Variants in BAZ2A observed in about 807,000 individuals in gnomAD.
The protein encoded by BAZ2A is bromodomain adjacent to zinc finger domain 2A.
A neutral mutation model predicts 199.9 loss-of-function variants in BAZ2A; 34 were observed. The ratio of observed to expected loss-of-function variants is 0.17; its 90% CI spans 0.13 to 0.23. The LOEUF (loss-of-function observed/expected upper bound fraction) is 0.23, where lower values mean the gene tolerates loss of function less well. BAZ2A is among the 10% of genes least tolerant of loss of function. The probability of loss-of-function intolerance (pLI) is 1.00; values close to 1 mark genes in which losing one functional copy is unlikely to be tolerated. For synonymous variants in BAZ2A, 857 were observed against 883.9 expected (o/e 0.97, Z 0.54); for missense variants, 2,002 against 2,391.1 (o/e 0.84, Z 3.39).
chr12:56,607,682 ATATT>A (rs1265129541), intron 10 of BAZ2A, among the ~76,000 whole-genome samples: 1 of 152,108 alleles, frequency 6.6e-6, no homozygotes, highest in Non-Finnish European at 1.5e-5. Flanking sequence ...TGACATGACA[ATATT>A]TATTATTTTG....
rs771916721 is a variant in BAZ2A, at chr12:56,604,779, C to T, written c.2769G>A (p.Glu923=). ...TTGTCAGTGGGATCTCAGACACCTT[C>T]TCCCCCAAGATCTTTAGGGACTGTG... ...SYCQSLKILG[E]KVSEIPLTRD... is the part of the protein sequence containing the mutation. The change falls in exon 15 of 29, where the codon GAG becomes GAA. Residue 923 remains glutamate, a synonymous_variant. Coordinates refer to ENST00000549884, the MANE Select transcript of BAZ2A (RefSeq NM_001300905.2). 8 of 1,613,592 alleles carry T rather than the reference C, an allele frequency of 5.0e-6. No homozygotes were observed. In the Admixed American group the frequency reaches 5.0e-5, roughly 10 times the overall value.
At chr12:56,610,573 G>T in intron 7 of BAZ2A, 56 bp from the exon 8 acceptor site, 2 of 1,513,344 alleles carry the variant, frequency 1.3e-6, no homozygotes, top group Non-Finnish European at 1.8e-6. Context: ...CCACTCCCAT[G>T]CCACCTAAGC....
At chr12:56,636,013 C>A (rs1174679436) in intron 1 of BAZ2A, among the ~76,000 whole-genome samples, 2 of 152,202 alleles carry the variant, frequency 1.3e-5, no homozygotes, top group African/African-American at 2.4e-5. Context: ...CTCAGGATCC[C>A]GTGGTCGGCA....
chr12:56,634,017 A>G (rs1287429298), upstream of BAZ2A, among the ~76,000 whole-genome samples: 1 of 152,090 alleles, frequency 6.6e-6, no homozygotes, highest in Non-Finnish European at 1.5e-5. Context: ...ACAGGCGAGC[A>G]CACTCCACCC....
upstream of BAZ2A, chr12:56,635,027 C>A (rs1351676978): frequency 5.1e-6 from 5 of 984,428 alleles, no homozygotes; most frequent in East Asian, 3.5e-4. This position sits in a 1 kb window ranked among gnomAD's most constrained non-coding sequence, Gnocchi z 4.1. Flanking sequence ...CGCCTCCTCC[C>A]CCAGCCCTGG....
chr12:56,602,347 G>A (rs567389143), intron 19 of BAZ2A, among the ~76,000 whole-genome samples, 155 bp from the exon 20 acceptor site: 2 of 152,286 alleles, frequency 1.3e-5, no homozygotes, highest in Admixed American at 1.3e-4. Context: ...AATGAACACA[G>A]TATCTGGGGA....
chr12:56,629,794 G>A (rs1164197669), intron 1 of BAZ2A, among the ~76,000 whole-genome samples: 2 of 32,862 alleles, frequency 6.1e-5, no homozygotes, highest in African/African-American at 2.6e-4. Flanking sequence ...AGCCCCTCCC[G>A]GGGATTCCAC....
chr12:56,604,979 A>C, intron 14 of BAZ2A, 94 bp downstream of exon 14: 2 of 1,481,872 alleles, frequency 1.3e-6, no homozygotes, highest in Non-Finnish European at 1.8e-6. Context: ...AGTCAGGAAG[A>C]AAAAGAAATG....
chr12:56,606,405 A>T, intron 11 of BAZ2A, 93 bp from the exon 12 acceptor site: 1 of 1,453,584 alleles, frequency 6.9e-7, no homozygotes, highest in Non-Finnish European at 9.6e-7. Context: ...GCTGGGGAGG[A>T]GAGGTGAGAG....
chr12:56,619,204 G>A (rs1046899654), intron 1 of BAZ2A, among the ~76,000 whole-genome samples: 5 of 152,152 alleles, frequency 3.3e-5, no homozygotes, highest in African/African-American at 1.2e-4. Flanking sequence ...AATTAGCTGG[G>A]CGTGGTGGCA....
In BAZ2A at chr12:56,611,838, C is replaced by A; in HGVS notation, c.1544G>T (p.Ser515Ile). ...CACGTCAGCAGTGGTTTCTAGAAAG[C>A]TGCTGACATCCTTATTTGCTGGGGA... Reference protein sequence around the residue: ...TASPANKDVSSFLETTADVEE... With the variant: ...TASPANKDVSIFLETTADVEE... Residue 515 changes from serine to isoleucine, a missense_variant, in exon 6 of 29, where the codon AGC becomes ATC. Ser to Ile is a moderately radical substitution (Grantham distance 142, BLOSUM62 -2). Around this residue, in one of 6 missense-constraint regions of BAZ2A, gnomAD observed 641 missense variants for 694.5 expected, o/e 0.92. Coordinates refer to ENST00000549884, the MANE Select transcript of BAZ2A (RefSeq NM_001300905.2). 6.3e-7 allele frequency: 1 copy of A among 1,587,484 alleles called. No homozygotes were observed. Among genetic ancestry groups the A allele is most frequent in the Non-Finnish European group, 8.6e-7 (1 of 1,166,190 alleles).
chr12:56,603,006 G>A (rs993487595), intron 18 of BAZ2A, 149 bp from the exon 19 acceptor site: 2 of 1,065,974 alleles, frequency 1.9e-6, no homozygotes, highest in Non-Finnish European at 2.6e-6. Flanking sequence ...GATTAAGTTT[G>A]GGAGCGGTGG....
intron 18 of BAZ2A, 75 bp downstream of exon 18, chr12:56,603,284 T>G: frequency 3.4e-6 from 5 of 1,475,708 alleles, no homozygotes; most frequent in East Asian, 2.3e-5. Flanking sequence ...AAATTAAAAT[T>G]CAGTTTAAAA....
intron 10 of BAZ2A, among the ~76,000 whole-genome samples, chr12:56,608,075 G>GAA (rs756785811): frequency 2.7e-5 from 3 of 110,994 alleles, no homozygotes; most frequent in Admixed American, 9.9e-5. Context: ...ACTCCATCTG[G>GAA]AAAAAAAAAA....
chr12:56,622,486 G>A (rs1445751383), intron 1 of BAZ2A, among the ~76,000 whole-genome samples: 1 of 152,176 alleles, frequency 6.6e-6, no homozygotes, highest in Non-Finnish European at 1.5e-5. Context: ...TTATGTCACA[G>A]TATGGGAATA....
In BAZ2A at chr12:56,604,791, C is replaced by A; in HGVS notation, c.2757G>T (p.Lys919Asn). Reference sequence around the variant, plus strand: ...TCTCAGACACCTTCTCCCCCAAGATCTTTAGGGACTGTGTGGAGGACAGCA... The same window carrying A: ...TCTCAGACACCTTCTCCCCCAAGATATTTAGGGACTGTGTGGAGGACAGCA... The part of the protein sequence containing the change: ...PGFPSYCQSL[K>N]ILGEKVSEIP... Residue 919 changes from lysine (K) to asparagine (N), a missense_variant, in exon 15 of 29, where the codon AAG becomes AAT. Physicochemically the swap from Lys to Asn is moderately conservative, Grantham distance 94. Coordinates refer to ENST00000549884, the MANE Select transcript of BAZ2A (RefSeq NM_001300905.2). 1 of 1,613,390 alleles carries A rather than the reference C, an allele frequency of 6.2e-7. No homozygotes were observed. Among genetic ancestry groups the A allele is most frequent in the Non-Finnish European group, 8.5e-7 (1 of 1,179,750 alleles).
chr12:56,636,455 A>C, upstream of BAZ2A: 1 of 1,142,050 alleles, frequency 8.8e-7, no homozygotes, highest in Non-Finnish European at 1.2e-6. Context: ...AGGGCAGACC[A>C]GGAGAAATAT....
intron 1 of BAZ2A, 81 bp from the exon 2 acceptor site, chr12:56,617,613 A>T (rs1254141317): frequency 2.1e-6 from 3 of 1,419,220 alleles, no homozygotes; most frequent in Non-Finnish European, 1.9e-6. Context: ...AGGGGCAATG[A>T]CCCCTCCCCT....
chr12:56,618,746 T>C (rs960300178), intron 1 of BAZ2A, among the ~76,000 whole-genome samples: 1 of 151,916 alleles, frequency 6.6e-6, no homozygotes, highest in African/African-American at 2.4e-5. Flanking sequence ...GGCAGGCACC[T>C]GTAATCCCAG....
Sources: gnomAD v4.1 joint callset for allele counts (sites outside exome capture counted in the v4.1 genomes callset) on GRCh38, gnomAD v4.1.1 for gene constraint, gnomAD v4.1.1 regional missense constraint, Gnocchi (gnomAD v3.1) non-coding constraint, MANE v1.5 for transcripts, NCBI Gene and HGNC (gene_info 2026-07-23, HGNC 2026-07-21) for gene names.